Variants in SMAP2 observed in about 807,000 individuals in gnomAD.
SMAP2 encodes stromal membrane-associated protein 2.
A neutral mutation model predicts 56.4 loss-of-function variants in SMAP2; 25 were observed. That is an observed-to-expected ratio of 0.44 (90% CI 0.32 to 0.62). The LOEUF is 0.62. Ranked by LOEUF, SMAP2 falls within the 20% of genes least tolerant of loss-of-function variation. The probability of loss-of-function intolerance (pLI) is 0.04; values close to 1 mark genes in which losing one functional copy is unlikely to be tolerated. For missense variants in SMAP2, 388 were observed against 545.6 expected (o/e 0.71, Z 2.88); for synonymous variants, 157 against 181.7 (o/e 0.86, Z 1.09).
At chr1:40,420,242 G>A (rs1172111715) in intron 9 of SMAP2, among the ~76,000 whole-genome samples, 1 of 152,062 alleles carries the variant, frequency 6.6e-6, no homozygotes, top group Non-Finnish European at 1.5e-5. Flanking sequence ...AGCTTTCATA[G>A]TGGAGATTTT....
chr1:40,367,786 T>G (rs1644483830), intron 2 of SMAP2, among the ~76,000 whole-genome samples: 1 of 148,240 alleles, frequency 6.7e-6, no homozygotes, highest in South Asian at 2.2e-4. Context: ...ACATCACAAT[T>G]AAAAGAACTA....
intron 1 of SMAP2, among the ~76,000 whole-genome samples, chr1:40,347,245 GTTTT>G (rs1264286252): frequency 4.2e-5 from 2 of 47,372 alleles, no homozygotes; most frequent in African/African-American, 1.1e-4. Flanking sequence ...TGTGTGTTTT[GTTTT>G]TGTTTTTTTT....
chr1:40,422,325 C>A lies in SMAP2; in HGVS notation c.*224C>A. The A allele has an allele frequency of 1.9e-6, 1 of 518,746 alleles. No homozygotes were observed. Among genetic ancestry groups the A allele is most frequent in the South Asian group, 2.1e-5 (1 of 48,154 alleles). The allele number at this position is 518,746 out of a possible 1,614,324, so 32.1% of individuals were successfully genotyped here. ...CCCATAGCCATCCCAACGTCCTCCC[C>A]AGTCCTCTCCTGGCACCAGCACCTT... On this transcript the variant is annotated 3_prime_UTR_variant, in exon 10 of 10. Transcript: ENST00000372718.
At chr1:40,363,893 C>A (rs1320372985) in intron 2 of SMAP2, among the ~76,000 whole-genome samples, 1 of 152,194 alleles carries the variant, frequency 6.6e-6, no homozygotes, top group Non-Finnish European at 1.5e-5. Context: ...CCCCCAGAGG[C>A]AGCATTTAGA....
rs569369244 is a variant in SMAP2, at chr1:40,353,529, C to T, written c.-83+8619C>T. Among the ~76,000 whole-genome samples the T allele has an allele frequency of 7.9e-5, 12 of 151,988 alleles. 1 individual carries two copies. In the South Asian group the frequency reaches 8.3e-4, roughly 11 times the overall value. On this transcript the variant is annotated intron_variant, in intron 1 of 6. Coordinates refer to the SMAP2 transcript ENST00000435168. ...GACTACAGGCATTTGCCACCATGCC[C>T]GGCTAATTTTTTGTATTTTTAGTAG...
intron 7 of SMAP2, 136 bp downstream of exon 7, chr1:40,415,517 A>G (rs542870392): frequency 2.3e-5 from 16 of 689,396 alleles, no homozygotes; most frequent in South Asian, 2.1e-4. Flanking sequence ...TTCCCTTAAC[A>G]TTGTGTCATT....
In SMAP2 at chr1:40,417,056, G is replaced by C; in HGVS notation, c.1124G>C (p.Gly375Ala). 1 of 1,608,242 alleles carries C rather than the reference G, an allele frequency of 6.2e-7. No individual in the cohort carries two copies. The highest frequency in any genetic ancestry group is 8.5e-7 in the Non-Finnish European group (1 of 1,175,136). ...GCAGCTATGCCCCAGACTGTGTATGGGGTCCAGCCAGCTCAGCAGCTGCAA... is the reference window on the plus strand; with the variant it reads ...GCAGCTATGCCCCAGACTGTGTATGCGGTCCAGCCAGCTCAGCAGCTGCAA... ...GMAAMPQTVYGVQPAQQLQWN... is the reference protein window; with the variant it reads ...GMAAMPQTVYAVQPAQQLQWN... The change falls in exon 9 of 10, where the codon GGG becomes GCG. Residue 375 changes from glycine (G) to alanine (A), a missense_variant. Coordinates refer to ENST00000372718, the MANE Select transcript of SMAP2 (RefSeq NM_022733.3).
At chr1:40,416,705 G>T in intron 8 of SMAP2, 75 bp from the exon 9 acceptor site, 1 of 1,432,196 alleles carries the variant, frequency 7.0e-7, no homozygotes, top group Non-Finnish European at 9.5e-7. Flanking sequence ...GCTGGAAAGG[G>T]TTAGCCAGGG....
intron 2 of SMAP2, among the ~76,000 whole-genome samples, chr1:40,363,134 A>C (rs1644466360): frequency 1.3e-5 from 2 of 152,244 alleles, no homozygotes. Flanking sequence ...ACAACTGTCA[A>C]TAATATTAAG....
intron 9 of SMAP2, among the ~76,000 whole-genome samples, chr1:40,417,408 A>G (rs542901602): frequency 4.6e-5 from 7 of 152,120 alleles, no homozygotes; most frequent in East Asian, 3.9e-4. Flanking sequence ...TCTCACAACA[A>G]TCTCATTTGG....
At chr1:40,400,653 GA>G (rs1287467022) in intron 1 of SMAP2, among the ~76,000 whole-genome samples, 1 of 147,234 alleles carries the variant, frequency 6.8e-6, no homozygotes, top group African/African-American at 2.5e-5. Flanking sequence ...CTAAGATGAA[GA>G]AAAAAGGAAG....
Position 40,358,045 on chromosome 1 carries a change from A to G in SMAP2, c.-82-4255A>G, listed in dbSNP as rs181567222. 1.1e-3 allele frequency among the ~76,000 whole-genome samples: 166 copies of G among 152,118 alleles called. 1 individual carries two copies. Among genetic ancestry groups the G allele is most frequent in the African/African-American group, 3.8e-3 (156 of 41,508 alleles). On this transcript the variant is annotated intron_variant, in intron 1 of 6. Transcript: ENST00000435168. ...CAATATGAATATTTTAACAATATTT[A>G]TTCTTCCAATCCATGAACATGGAAT...
At chr1:40,346,503 G>C (rs901519604) in intron 1 of SMAP2, among the ~76,000 whole-genome samples, 1 of 151,770 alleles carries the variant, frequency 6.6e-6, no homozygotes, top group Non-Finnish European at 1.5e-5. Flanking sequence ...CCGAGTACCT[G>C]GGACTACAAG....
chr1:40,355,537 T>TA (rs1389801860), intron 1 of SMAP2, among the ~76,000 whole-genome samples: 3 of 152,222 alleles, frequency 2.0e-5, no homozygotes, highest in Non-Finnish European at 4.4e-5. Flanking sequence ...TTCTTCGTGT[T>TA]ACAAACAATT....
chr1:40,416,736 GT>G (rs754446662), intron 8 of SMAP2, 43 bp from the exon 9 acceptor site: 3 of 1,558,360 alleles, frequency 1.9e-6, no homozygotes, highest in Middle Eastern at 1.7e-4. Flanking sequence ...CTGACTTTAT[GT>G]TTTTCCCTCT....
At chr1:40,396,126 A>C (rs1019652142) in intron 1 of SMAP2, among the ~76,000 whole-genome samples, 7 of 152,138 alleles carry the variant, frequency 4.6e-5, no homozygotes. Flanking sequence ...TTCTGCTAGA[A>C]TCTCCAAACC....
chr1:40,365,631 A>C (rs868495177), intron 2 of SMAP2, among the ~76,000 whole-genome samples: 9 of 152,344 alleles, frequency 5.9e-5, no homozygotes, highest in African/African-American at 2.2e-4. Flanking sequence ...TGAGACCTGC[A>C]GCTGAGGGTC....
chr1:40,393,320 CA>C (rs959826380), intron 1 of SMAP2: 2 of 1,522,104 alleles, frequency 1.3e-6, no homozygotes, highest in Non-Finnish European at 8.8e-7. Context: ...GAAGAACAAA[CA>C]AAAAACCCAA....
chr1:40,411,155 A>G (rs1298128992), intron 4 of SMAP2, among the ~76,000 whole-genome samples: 1 of 152,218 alleles, frequency 6.6e-6, no homozygotes, highest in African/African-American at 2.4e-5. Context: ...ATAGTTAGGT[A>G]AAAATGATTC....
Sources: gnomAD v4.1 joint callset for allele counts (sites outside exome capture counted in the v4.1 genomes callset) on GRCh38, gnomAD v4.1.1 for gene constraint, MANE v1.5 for transcripts, NCBI Gene and HGNC (gene_info 2026-07-23, HGNC 2026-07-21) for gene names.